Variants in PACSIN1 observed in about 807,000 individuals in gnomAD.
PACSIN1 encodes the protein protein kinase C and casein kinase substrate in neurons protein 1.
Under a neutral mutation model 59.5 loss-of-function variants are expected in PACSIN1, and 15 were observed. The observed-to-expected ratio is 0.25, with a 90% CI of 0.17 to 0.39. PACSIN1 has a LOEUF of 0.39. Among genes scored for constraint, PACSIN1 ranks in the 10% least tolerant of loss-of-function variants. The pLI is 1.00. For synonymous variants in PACSIN1, 210 were observed against 220.6 expected, an observed-to-expected ratio of 0.95 and a Z score of 0.42; for missense variants, 420 against 580.2, an observed-to-expected ratio of 0.72 and a Z score of 2.84.
At chr6:34,499,360 T>C (rs1766992507) in intron 1 of PACSIN1, among the ~76,000 whole-genome samples, 1 of 151,548 alleles carries the variant, frequency 6.6e-6, no homozygotes, top group Non-Finnish European at 1.5e-5. Context: ...GTGTGCAGCC[T>C]GGTTTCTAAC....
chr6:34,485,616 G>T (rs372067247), intron 1 of PACSIN1, among the ~76,000 whole-genome samples: 1 of 152,320 alleles, frequency 6.6e-6, no homozygotes, highest in East Asian at 1.9e-4. Context: ...GGGCCGTTGA[G>T]GAGGTGGGTA....
chr6:34,511,413 G>A (rs1304107838), intron 1 of PACSIN1, among the ~76,000 whole-genome samples: 4 of 152,190 alleles, frequency 2.6e-5, no homozygotes, highest in South Asian at 2.1e-4. Context: ...CTTGGATAGC[G>A]AGGCCTTAAC....
chr6:34,531,456 C>T lies in PACSIN1; in HGVS notation c.1038-144C>T. ...CATTTAAACATCGGTTTAAAGAGCT[C>T]ATGAGGGTCACCCCTCCTATGTGGC... On this transcript the variant is annotated intron_variant, in intron 8 of 9. Coordinates refer to ENST00000244458, the MANE Select transcript of PACSIN1 (RefSeq NM_020804.5). The surrounding 1 kb of genome is among the most constrained non-coding windows in gnomAD (Gnocchi z 4.4). 1.3e-6 allele frequency: 1 copy of T among 757,074 alleles called. No individual in the cohort carries two copies. Among genetic ancestry groups the T allele is most frequent in the Non-Finnish European group, 2.2e-6 (1 of 452,946 alleles). 46.9% of individuals were successfully genotyped at this position (757,074 alleles called of 1,614,324 possible).
intron 1 of PACSIN1, among the ~76,000 whole-genome samples, chr6:34,478,978 C>A (rs865888813): frequency 5.9e-5 from 9 of 152,150 alleles, no homozygotes; most frequent in Middle Eastern, 6.8e-3. Context: ...AACAAGTGGG[C>A]AAGTGCAAAA....
At chr6:34,470,599 C>T (rs1321884729) in intron 1 of PACSIN1, among the ~76,000 whole-genome samples, 5 of 106,702 alleles carry the variant, frequency 4.7e-5, no homozygotes, top group Non-Finnish European at 9.4e-5. Flanking sequence ...ACTGCAGCCT[C>T]GACCTCCCGG....
chr6:34,507,558 A>AG (rs894278827), intron 1 of PACSIN1, among the ~76,000 whole-genome samples: 1 of 152,018 alleles, frequency 6.6e-6, no homozygotes, highest in African/African-American at 2.4e-5. Context: ...TTGTAAAAAA[A>AG]AAAAACCCAC....
rs571430239 is a variant in PACSIN1 at position 34,530,259 on chromosome 6, C to T, written c.805C>T (p.Arg269Cys). 2.8e-5 allele frequency: 45 copies of T among 1,613,840 alleles called. No individual in the cohort carries two copies. The East Asian group carries it at 7.6e-4, about 27-fold the overall frequency. Residue 269 changes from arginine to cysteine, a missense_variant, in exon 7 of 10, where the codon CGT becomes TGT. By Grantham distance (180) the Arg-to-Cys change is radical. Transcript: ENST00000244458. The surrounding 1 kb of genome is among the most constrained non-coding windows in gnomAD (Gnocchi z 4.4). ...AENSSYIHVY[R>C]ELEQAIRGAD... is the part of the protein sequence containing the mutation. Reference sequence around the variant, plus strand: ...TGAGCACAGCTACATCCATGTGTACCGTGAGCTGGAGCAGGCCATCCGGGG... The same window carrying T: ...TGAGCACAGCTACATCCATGTGTACTGTGAGCTGGAGCAGGCCATCCGGGG...
At chr6:34,526,442 C>A in intron 2 of PACSIN1, 74 bp downstream of exon 2, 2 of 1,259,278 alleles carry the variant, frequency 1.6e-6, no homozygotes, top group Non-Finnish European at 2.3e-6. Flanking sequence ...CCTTATCACT[C>A]ACCCCATGAC....
chr6:34,471,827 G>A (rs1382157076), intron 1 of PACSIN1, among the ~76,000 whole-genome samples: 1 of 152,176 alleles, frequency 6.6e-6, no homozygotes, highest in Non-Finnish European at 1.5e-5. Context: ...TGTCTGTCAG[G>A]AGGACCAGTG....
chr6:34,481,751 G>A (rs1278291713), intron 1 of PACSIN1, among the ~76,000 whole-genome samples: 1 of 151,904 alleles, frequency 6.6e-6, no homozygotes, highest in Non-Finnish European at 1.5e-5. Context: ...GACTCAGCCA[G>A]CTCTCCAAGG....
chr6:34,523,704 G>C (rs996839625), intron 1 of PACSIN1, among the ~76,000 whole-genome samples: 6 of 152,206 alleles, frequency 3.9e-5, no homozygotes, highest in African/African-American at 1.4e-4. Context: ...AGCAGGTACC[G>C]ACTGCCCTTC....
At chr6:34,522,484 C>T (rs1561969045) in intron 1 of PACSIN1, among the ~76,000 whole-genome samples, 1 of 152,182 alleles carries the variant, frequency 6.6e-6, no homozygotes, top group East Asian at 1.9e-4. Flanking sequence ...ATCCCAGTTG[C>T]ACCTTTCCCT....
rs1216915849 is a variant in PACSIN1, at chr6:34,488,503, C to T, written c.-64+22233C>T. On this transcript the variant is annotated intron_variant, in intron 1 of 9. Transcript: ENST00000244458. The surrounding 1 kb of genome is among the most constrained non-coding windows in gnomAD (Gnocchi z 4.7). ...TGCTGTCTCTTGGTGGAACTATTTC[C>T]CCTTTGGGAACCAGGATTTCTAAAC... Among the ~76,000 whole-genome samples the T allele has an allele frequency of 6.6e-6, 1 of 152,064 alleles. No homozygotes were observed. The highest frequency in any genetic ancestry group is 1.5e-5 in the Non-Finnish European group (1 of 68,010).
At chr6:34,485,348 G>A (rs1041254051) in intron 1 of PACSIN1, among the ~76,000 whole-genome samples, 1 of 152,176 alleles carries the variant, frequency 6.6e-6, no homozygotes. Flanking sequence ...GTGGAAGCAG[G>A]AGGGCTCATT....
In PACSIN1 at chr6:34,529,502, C is replaced by T; in HGVS notation, c.562C>T (p.Gln188Ter). The T allele has an allele frequency of 6.2e-7, 1 of 1,614,082 alleles. No homozygotes were observed. Among genetic ancestry groups the T allele is most frequent in the Non-Finnish European group, 8.5e-7 (1 of 1,180,038 alleles). Reference protein sequence around the residue: ...KTEQSVTPEQQKKLQDKVDKC... With the variant: ...KTEQSVTPEQ ...GGAGCAATCGGTCACACCTGAGCAG[C>T]AAAAGAAGCTGCAGGACAAAGTGGA... Residue 188 changes from glutamine (Q) to a stop codon, truncating the protein, a stop_gained, in exon 5 of 10, where the codon CAA becomes TAA. Transcript: ENST00000244458. LOFTEE classifies it high-confidence loss of function. This position sits in a 1 kb window ranked among gnomAD's most constrained non-coding sequence, Gnocchi z 6.3.
In PACSIN1 at chr6:34,515,562, A is replaced by G. The variant is rs1338138402; in HGVS notation, c.-63-10681A>G. On this transcript the variant is annotated intron_variant, in intron 1 of 9. Coordinates refer to ENST00000244458, the MANE Select transcript of PACSIN1 (RefSeq NM_020804.5). This position sits in a 1 kb window ranked among gnomAD's most constrained non-coding sequence, Gnocchi z 4.4. The stretch of plus-strand genomic sequence containing the variant: ...CTCCCTGCTGGCCCTGGATGGTCTC[A>G]GGCACTGGGCTTAGAGCCCCCTGGT... Among the ~76,000 whole-genome samples, 1 of 152,148 alleles carries G rather than the reference A, an allele frequency of 6.6e-6. No individual in the cohort carries two copies. The highest frequency in any genetic ancestry group is 1.5e-5 in the Non-Finnish European group (1 of 68,018).
rs75083219 is a variant in PACSIN1, at chr6:34,495,201, C to G, written c.-64+28931C>G. Among the ~76,000 whole-genome samples, 874 of 152,294 alleles carry G rather than the reference C, an allele frequency of 5.7e-3. 8 individuals carry two copies. The highest frequency in any genetic ancestry group is 0.02 in the African/African-American group (832 of 41,562). On this transcript the variant is annotated intron_variant, in intron 1 of 9. Coordinates refer to ENST00000244458, the MANE Select transcript of PACSIN1 (RefSeq NM_020804.5). ...ATACTAAGGTGTGAATGACTCACAT[C>G]TCTTCCCTTAACTCTCCCAGTGGTT...
intron 1 of PACSIN1, among the ~76,000 whole-genome samples, chr6:34,466,788 G>C (rs1406411365): frequency 6.6e-6 from 1 of 152,172 alleles, no homozygotes; most frequent in Non-Finnish European, 1.5e-5. Flanking sequence ...GAGGAGGCAA[G>C]AAGGAGGCGA....
rs1406636480 is a variant in PACSIN1 at position 34,525,807 on chromosome 6, C to T, written c.-63-436C>T. Among the ~76,000 whole-genome samples the T allele has an allele frequency of 6.6e-6, 1 of 152,078 alleles. No individual in the cohort carries two copies. Among genetic ancestry groups the T allele is most frequent in the Admixed American group, 6.5e-5 (1 of 15,276 alleles). ...TGGTGTGACCTGTGGGCCAGGACAC[C>T]ACACATTTGGGACTCTCAGGAGACT... On this transcript the variant is annotated intron_variant, in intron 1 of 9. Coordinates refer to ENST00000244458, the MANE Select transcript of PACSIN1 (RefSeq NM_020804.5). The surrounding 1 kb of genome is among the most constrained non-coding windows in gnomAD (Gnocchi z 4.9).
Sources: gnomAD v4.1 joint callset for allele counts (sites outside exome capture counted in the v4.1 genomes callset) on GRCh38, gnomAD v4.1.1 for gene constraint, Gnocchi (gnomAD v3.1) non-coding constraint, MANE v1.5 for transcripts, NCBI Gene and HGNC (gene_info 2026-07-23, HGNC 2026-07-21) for gene names.